IDE: variants seen among roughly 807,000 people sequenced by gnomAD.
IDE encodes insulin degrading enzyme, also known as insulin-degrading enzyme.
A neutral mutation model predicts 133.2 loss-of-function variants in IDE; 58 were observed. That is an observed-to-expected ratio of 0.44 (90% confidence interval 0.35 to 0.54). The LOEUF (loss-of-function observed/expected upper bound fraction) is 0.54, where lower values mean the gene tolerates loss of function less well. Among genes scored for constraint, IDE ranks in the 20% least tolerant of loss-of-function variants. The probability of loss-of-function intolerance (pLI) is 0.00; values close to 1 mark genes in which losing one functional copy is unlikely to be tolerated. For missense variants in IDE, 981 were observed against 1,234.0 expected, an observed-to-expected ratio of 0.79 and a Z score of 3.07; for synonymous variants, 396 against 421.3, an observed-to-expected ratio of 0.94 and a Z score of 0.73.
intron 17 of IDE, among the ~76,000 whole-genome samples, chr10:92,472,593 T>C (rs898045038): frequency 6.6e-6 from 1 of 152,012 alleles, no homozygotes; most frequent in African/African-American, 2.4e-5. Context: ...TAGTGTTACG[T>C]AAGTATAAGA....
intron 15 of IDE, among the ~76,000 whole-genome samples, chr10:92,477,244 G>A (rs985313137): frequency 6.6e-6 from 1 of 151,872 alleles, no homozygotes. Context: ...CTTCTGCTCC[G>A]CAGGCTCAAG....
chr10:92,542,313 C>T (rs576314197), intron 1 of IDE, among the ~76,000 whole-genome samples: 2 of 152,232 alleles, frequency 1.3e-5, no homozygotes, highest in Non-Finnish European at 2.9e-5. Flanking sequence ...CACCACCGTA[C>T]CCAGCTAATT....
At chr10:92,509,528 G>A (rs1848475908) in intron 6 of IDE, among the ~76,000 whole-genome samples, 1 of 152,122 alleles carries the variant, frequency 6.6e-6, no homozygotes, top group Admixed American at 6.5e-5. Flanking sequence ...GGGAAGCAGA[G>A]GTTGCAGGGA....
intron 11 of IDE, among the ~76,000 whole-genome samples, chr10:92,495,461 C>T (rs1027679945): frequency 5.3e-5 from 8 of 151,736 alleles, no homozygotes; most frequent in East Asian, 3.9e-4. Flanking sequence ...CCTTGTGATC[C>T]GCCCACCTCG....
At chr10:92,510,887 CAT>C (rs1564635937) in intron 5 of IDE, among the ~76,000 whole-genome samples, 1 of 150,460 alleles carries the variant, frequency 6.6e-6, no homozygotes, top group South Asian at 2.1e-4. Flanking sequence ...TGATATATCA[CAT>C]ATATCATATA....
chr10:92,545,682 GT>G (rs1842508911), intron 1 of IDE, among the ~76,000 whole-genome samples: 1 of 152,198 alleles, frequency 6.6e-6, no homozygotes, highest in Non-Finnish European at 1.5e-5. Flanking sequence ...CATGAAGTTG[GT>G]GTGACAGATT....
intron 1 of IDE, among the ~76,000 whole-genome samples, chr10:92,558,367 T>A (rs1677811883): frequency 6.6e-6 from 1 of 152,076 alleles, no homozygotes; most frequent in African/African-American, 2.4e-5. Context: ...AATACAAATC[T>A]TAAAAGAAAA....
At chr10:92,488,571 T>G (rs970256130) in intron 12 of IDE, among the ~76,000 whole-genome samples, 1 of 151,702 alleles carries the variant, frequency 6.6e-6, no homozygotes, top group African/African-American at 2.4e-5. Context: ...AGGTCAGGAG[T>G]TCGAGACCAG....
chr10:92,523,701 TAAAA>T (rs74263178), intron 4 of IDE, among the ~76,000 whole-genome samples: 1 of 117,120 alleles, frequency 8.5e-6, no homozygotes, highest in Non-Finnish European at 1.8e-5. Context: ...GACTCAGTCT[TAAAA>T]AAAAAAAAAA....
intron 1 of IDE, among the ~76,000 whole-genome samples, chr10:92,562,418 A>G (rs1235084934): frequency 2.6e-5 from 4 of 152,232 alleles, no homozygotes; most frequent in Admixed American, 2.0e-4. Flanking sequence ...TAGGAAAAAG[A>G]CTCATGCAAA....
chr10:92,517,600 G>A (rs1407360200), intron 4 of IDE, among the ~76,000 whole-genome samples: 3 of 151,678 alleles, frequency 2.0e-5, no homozygotes, highest in South Asian at 4.2e-4. Context: ...TATTTTTTTT[G>A]GTAGAACCAG....
chr10:92,458,335 C>T (rs1421383605), intron 22 of IDE, among the ~76,000 whole-genome samples: 5 of 152,114 alleles, frequency 3.3e-5, no homozygotes, highest in African/African-American at 1.2e-4. Flanking sequence ...CCAATACACT[C>T]TGATTCTCTA....
At chr10:92,466,610 C>A (rs975274828) in intron 19 of IDE, among the ~76,000 whole-genome samples, 1 of 141,476 alleles carries the variant, frequency 7.1e-6, no homozygotes, top group Admixed American at 7.2e-5. Flanking sequence ...GGCCACCACG[C>A]CTGGCCCTTT....
chr10:92,572,937 G>A, intron 1 of IDE: 1 of 985,172 alleles, frequency 1.0e-6, no homozygotes, highest in South Asian at 4.7e-5. Context: ...CAATTCCCGT[G>A]GCATCCCAAT....
At chr10:92,473,417 A>C (rs1444585390) in intron 17 of IDE, among the ~76,000 whole-genome samples, 3 of 151,920 alleles carry the variant, frequency 2.0e-5, no homozygotes, top group Non-Finnish European at 4.4e-5. Flanking sequence ...CATTAGATAC[A>C]CACTGAGGGC....
At chr10:92,497,168 CAA>C (rs1352236480) in intron 11 of IDE, among the ~76,000 whole-genome samples, 1 of 152,200 alleles carries the variant, frequency 6.6e-6, no homozygotes, top group Non-Finnish European at 1.5e-5. Context: ...AGGCACATGA[CAA>C]AGACTCTATA....
intron 11 of IDE, 69 bp from the exon 12 acceptor site, chr10:92,490,664 G>T: frequency 1.1e-6 from 1 of 913,734 alleles, no homozygotes; most frequent in Non-Finnish European, 1.8e-6. Flanking sequence ...TAAAGAACCT[G>T]ACTCAGGACA....
intron 4 of IDE, among the ~76,000 whole-genome samples, chr10:92,516,501 T>C (rs888789188): frequency 2.0e-5 from 3 of 152,044 alleles, no homozygotes; most frequent in African/African-American, 7.2e-5. Context: ...AAAAAATATG[T>C]CTATATCTGT....
intron 14 of IDE, among the ~76,000 whole-genome samples, chr10:92,481,899 A>C (rs1227547543): frequency 6.6e-6 from 1 of 152,228 alleles, no homozygotes; most frequent in Non-Finnish European, 1.5e-5. Context: ...AAGTGGTGAC[A>C]AGCTGCTTAG....
Sources: allele counts gnomAD v4.1 joint callset (sites outside exome capture counted in the v4.1 genomes callset), GRCh38; gene constraint gnomAD v4.1.1; transcripts MANE v1.5; gene names NCBI Gene and HGNC (gene_info 2026-07-23, HGNC 2026-07-21).